Variants in B3GALT5 observed in about 807,000 individuals in gnomAD.
The protein encoded by B3GALT5 is UDP-Gal:betaGlcNAc beta 1,3-galactosyltransferase, polypeptide 5.
For synonymous variants in B3GALT5, 156 were observed against 158.6 expected (o/e 0.98, Z 0.12); for missense variants, 328 against 396.6 (o/e 0.83, Z 1.47).
At chr21:39,642,856 C>T (rs1405784376) in intron 1 of B3GALT5, among the ~76,000 whole-genome samples, 3 of 137,640 alleles carry the variant, frequency 2.2e-5, no homozygotes, top group Admixed American at 7.5e-5. Flanking sequence ...GGCAACATAA[C>T]GAGACTCCCA....
chr21:39,636,908 T>C (rs2079232175), intron 1 of B3GALT5, among the ~76,000 whole-genome samples: 1 of 152,144 alleles, frequency 6.6e-6, no homozygotes, highest in Admixed American at 6.5e-5. Flanking sequence ...CTCATGACTT[T>C]TAGCCTTTAC....
Position 39,660,768 on chromosome 21 carries a change from T to A in B3GALT5, c.209T>A (p.Leu70Ter), listed in dbSNP as rs770035973. 1 of 1,557,074 alleles carries A rather than the reference T, an allele frequency of 6.4e-7. No individual in the cohort carries two copies. The highest frequency in any genetic ancestry group is 8.7e-7 in the Non-Finnish European group (1 of 1,151,292). ...VLLVTSSHKQ[L>*]AERMAIRQTW... ...CTGGTGACCTCATCCCACAAACAGT[T>A]GGCTGAGCGCATGGCCATCCGGCAG... Residue 70 changes from leucine (L) to a stop codon, truncating the protein, a stop_gained, in exon 4 of 4, where the codon TTG becomes TAG. Coordinates refer to ENST00000684187, the MANE Select transcript of B3GALT5 (RefSeq NM_001356336.2). LOFTEE classifies it low-confidence loss of function (END_TRUNC).
intron 2 of B3GALT5, among the ~76,000 whole-genome samples, chr21:39,647,640 G>A (rs2079354388): frequency 6.6e-6 from 1 of 152,134 alleles, no homozygotes; most frequent in Non-Finnish European, 1.5e-5. Flanking sequence ...GAGTCACCAT[G>A]TCCGGCCCCT....
At position 39,670,604 on chromosome 21, in the gene B3GALT5, G is replaced by C. The variant is rs1315239600; in HGVS notation, c.*9112G>C. 2 of 152,164 alleles carry C rather than the reference G, an allele frequency of 1.3e-5. No individual in the cohort carries two copies. Among genetic ancestry groups the C allele is most frequent in the Non-Finnish European group, 2.9e-5 (2 of 68,052 alleles). 9.4% of individuals were successfully genotyped at this position (152,164 alleles called of 1,614,324 possible). ...AGGATGTGACACCAACTTTCAGGCA[G>C]AACATTTAGAAAGAGTGAAATAAAG... On this transcript the variant is annotated 3_prime_UTR_variant, in exon 4 of 4. Transcript: ENST00000684187.
chr21:39,618,364 G>T (rs1397986676), intron 1 of B3GALT5, among the ~76,000 whole-genome samples: 1 of 152,132 alleles, frequency 6.6e-6, no homozygotes, highest in Non-Finnish European at 1.5e-5. Flanking sequence ...AGATACTGAA[G>T]AATGTTTTCC....
rs1009340339 is a variant in B3GALT5 at position 39,632,331 on chromosome 21, T to A, written c.-391-14061T>A. Among the ~76,000 whole-genome samples, 23 of 152,300 alleles carry A rather than the reference T, an allele frequency of 1.5e-4. No individual in the cohort carries two copies. In the East Asian group the frequency reaches 4.2e-3, roughly 28 times the overall value. On this transcript the variant is annotated intron_variant, in intron 1 of 3. Transcript: ENST00000684187. Reference sequence around the variant, plus strand: ...CTATTTTCTGGCCCCAAGTAGGCTATTGGTGACCTTTGGTATGTTCAGATA... The same window carrying A: ...CTATTTTCTGGCCCCAAGTAGGCTAATGGTGACCTTTGGTATGTTCAGATA...
At position 39,639,249 on chromosome 21, in the gene B3GALT5, G is replaced by C. The variant is rs184589300; in HGVS notation, c.-391-7143G>C. Among the ~76,000 whole-genome samples the C allele has an allele frequency of 7.0e-3, 1,066 of 151,906 alleles. 10 individuals are homozygous for C. The highest frequency in any genetic ancestry group is 7.3e-3 in the Non-Finnish European group (495 of 67,992). On this transcript the variant is annotated intron_variant, in intron 1 of 3. Transcript: ENST00000684187. ...ATAAGTTGTAACATGTTCCAGAATT[G>C]TGATTCTGTTTCCCTTGCAAGCAGC...
At chr21:39,647,966 C>A (rs549780680) in intron 2 of B3GALT5, among the ~76,000 whole-genome samples, 1 of 152,170 alleles carries the variant, frequency 6.6e-6, no homozygotes, top group African/African-American at 2.4e-5. Context: ...GAATAATTGG[C>A]AGCCCTATTA....
At chr21:39,643,491 C>G (rs1307207967) in intron 1 of B3GALT5, among the ~76,000 whole-genome samples, 1 of 152,010 alleles carries the variant, frequency 6.6e-6, no homozygotes, top group Non-Finnish European at 1.5e-5. Flanking sequence ...CTGGCAGCAA[C>G]AGCTGCCTTG....
At chr21:39,645,013 TAATC>T (rs1487583029) in intron 1 of B3GALT5, among the ~76,000 whole-genome samples, 1 of 152,102 alleles carries the variant, frequency 6.6e-6, no homozygotes, top group African/African-American at 2.4e-5. Flanking sequence ...GATGCAGTCA[TAATC>T]AAGAGCATGA....
chr21:39,615,023 G>A (rs1040209061), intron 1 of B3GALT5, among the ~76,000 whole-genome samples: 1 of 152,086 alleles, frequency 6.6e-6, no homozygotes, highest in African/African-American at 2.4e-5. Flanking sequence ...TTGTTCCTGG[G>A]TCCCACCCAA....
chr21:39,647,183 G>A (rs1409395360), intron 2 of B3GALT5, among the ~76,000 whole-genome samples: 1 of 152,212 alleles, frequency 6.6e-6, no homozygotes, highest in Non-Finnish European at 1.5e-5. Flanking sequence ...GGCAGAGGAA[G>A]TCCCTTGGAA....
chr21:39,636,315 T>G (rs1429139333), intron 1 of B3GALT5, among the ~76,000 whole-genome samples: 2 of 152,162 alleles, frequency 1.3e-5, no homozygotes, highest in Non-Finnish European at 2.9e-5. Context: ...AGTGAGACCA[T>G]GCTGTGGCCT....
intron 1 of B3GALT5, among the ~76,000 whole-genome samples, chr21:39,639,288 C>CTTTCTT (rs1491416648): frequency 7.1e-5 from 7 of 98,524 alleles, no homozygotes; most frequent in East Asian, 6.9e-4. Flanking sequence ...AGGCATCTGG[C>CTTTCTT]TCTTTCTTTC....
At chr21:39,649,466 C>T (rs564079367) in intron 2 of B3GALT5, among the ~76,000 whole-genome samples, 6 of 152,304 alleles carry the variant, frequency 3.9e-5, no homozygotes, top group East Asian at 1.9e-4. Context: ...TCCCCTGCCC[C>T]GTTAAAGAAA....
chr21:39,639,288 CTCTTTCTTTCTT>C lies in B3GALT5; in HGVS notation c.-391-7053_-391-7042del, dbSNP rs71184689. ...CTTGCAAGCAGCTTCAGGCATCTGG[CTCTTTCTTTCTT>C]TCTTTCTTTCTTTCTTTCTTTCTTT... On this transcript the variant is annotated intron_variant, in intron 1 of 3. Transcript: ENST00000684187. 1.4e-3 allele frequency among the ~76,000 whole-genome samples: 137 copies of C among 98,518 alleles called. 2 individuals are homozygous for C. The highest frequency in any genetic ancestry group is 2.4e-3 in the East Asian group (7 of 2,914). The allele number at this position is 98,518 out of a possible 152,430, so 64.6% of individuals were successfully genotyped here.
In B3GALT5 at chr21:39,669,636, T is replaced by G. The variant is rs539749847; in HGVS notation, c.*8144T>G. The G allele has an allele frequency of 6.6e-6, 1 of 152,292 alleles. No homozygotes were observed. The highest frequency in any genetic ancestry group is 1.9e-4 in the East Asian group (1 of 5,172). The allele number at this position is 152,292 out of a possible 1,614,324, so 9.4% of individuals were successfully genotyped here. A position where few individuals can be genotyped will look rare whatever the true frequency, so the allele number is the denominator to read the frequency against. On this transcript the variant is annotated 3_prime_UTR_variant, in exon 4 of 4. Coordinates refer to ENST00000684187, the MANE Select transcript of B3GALT5 (RefSeq NM_001356336.2). ...GCCATGTCCATCCATACCTGCTGTT[T>G]CACTGAAACCCCACAGCAGCCTCTG... is the stretch of plus-strand genomic sequence containing the variant.
chr21:39,637,762 GT>G (rs2079239126), intron 1 of B3GALT5, among the ~76,000 whole-genome samples: 1 of 152,236 alleles, frequency 6.6e-6, no homozygotes, highest in African/African-American at 2.4e-5. Flanking sequence ...TTTTTCTAGA[GT>G]CAAAAGGGAA....
chr21:39,615,451 G>T (rs1379665859), intron 1 of B3GALT5, among the ~76,000 whole-genome samples: 4 of 152,150 alleles, frequency 2.6e-5, no homozygotes, highest in Non-Finnish European at 5.9e-5. Flanking sequence ...AAAACAACCG[G>T]AATTTTTATA....
Sources: allele counts gnomAD v4.1 joint callset (sites outside exome capture counted in the v4.1 genomes callset), GRCh38; gene constraint gnomAD v4.1.1; transcripts MANE v1.5; gene names NCBI Gene and HGNC (gene_info 2026-07-23, HGNC 2026-07-21).